Variants in PCDH7 observed in about 807,000 individuals in gnomAD.
The protein encoded by PCDH7 is protocadherin-7.
In PCDH7, 17 loss-of-function variants were observed where a neutral mutation model predicts 58.9. The ratio of observed to expected loss-of-function variants is 0.29; its 90% CI spans 0.20 to 0.43. The LOEUF is 0.43. Ranked by LOEUF, PCDH7 falls within the 20% of genes least tolerant of loss-of-function variation. PCDH7 has a pLI of 1.00. For missense variants in PCDH7, 1,274 were observed against 1,441.0 expected (o/e 0.88, Z 1.88); for synonymous variants, 664 against 616.4 (o/e 1.08, Z -1.14).
chr4:30,961,494 G>A (rs1560536347), intron 3 of PCDH7, among the ~76,000 whole-genome samples: 1 of 151,942 alleles, frequency 6.6e-6, no homozygotes, highest in Non-Finnish European at 1.5e-5. Context: ...GGAGGTTGCA[G>A]TGAGCCGAGA....
intron 3 of PCDH7, among the ~76,000 whole-genome samples, chr4:31,026,857 T>C (rs1754476485): frequency 6.6e-6 from 1 of 152,138 alleles, no homozygotes; most frequent in Admixed American, 6.5e-5. Flanking sequence ...AAGAAATGCA[T>C]TCAGTGATGT....
At chr4:31,060,644 A>G (rs1757613928) in intron 3 of PCDH7, among the ~76,000 whole-genome samples, 1 of 151,668 alleles carries the variant, frequency 6.6e-6, no homozygotes, top group African/African-American at 2.4e-5. Flanking sequence ...ACCATCTCCA[A>G]AACCTAAACA....
chr4:31,104,149 C>G (rs1029641707), intron 3 of PCDH7, among the ~76,000 whole-genome samples: 3 of 152,174 alleles, frequency 2.0e-5, no homozygotes, highest in Non-Finnish European at 4.4e-5. Context: ...GTTAAAGTTT[C>G]TCAATATTTG....
chr4:30,770,066 G>A (rs917775533), intron 1 of PCDH7, among the ~76,000 whole-genome samples: 4 of 152,146 alleles, frequency 2.6e-5, no homozygotes, highest in Non-Finnish European at 4.4e-5. Flanking sequence ...TGGTGTACTC[G>A]TAATGGCCAT....
At chr4:30,725,811 T>C (rs1714537444) in intron 1 of PCDH7, among the ~76,000 whole-genome samples, 1 of 152,126 alleles carries the variant, frequency 6.6e-6, no homozygotes, top group Non-Finnish European at 1.5e-5. Flanking sequence ...TCATTGAAGA[T>C]TATAGTTATA....
rs937300986 is a variant in PCDH7 at position 31,078,425 on chromosome 4, G to T, written c.*8-64048G>T. Among the ~76,000 whole-genome samples, 5 of 152,096 alleles carry T rather than the reference G, an allele frequency of 3.3e-5. No individual in the cohort carries two copies. In the East Asian group the frequency reaches 7.8e-4, roughly 24 times the overall value. Reference sequence around the variant, plus strand: ...AGCCTCCCAAGTAGCCAGGGCTACAGGCACATGTCAATATGCTTGGCTAAC... The same window carrying T: ...AGCCTCCCAAGTAGCCAGGGCTACATGCACATGTCAATATGCTTGGCTAAC... On this transcript the variant is annotated intron_variant, in intron 3 of 3. Coordinates refer to the PCDH7 transcript ENST00000509759.
rs1560608323 is a variant in PCDH7 at position 31,056,420 on chromosome 4, GAAGGAAAGAA to G, written c.*8-86050_*8-86041del. Among the ~76,000 whole-genome samples the G allele has an allele frequency of 2.1e-3, 260 of 123,602 alleles. 6 individuals are homozygous for G. Among genetic ancestry groups the G allele is most frequent in the African/African-American group, 8.9e-3 (243 of 27,192 alleles). The allele number at this position is 123,602 out of a possible 152,430, so 81.1% of individuals were successfully genotyped here. A position where few individuals can be genotyped will look rare whatever the true frequency, so the allele number is the denominator to read the frequency against. On this transcript the variant is annotated intron_variant, in intron 3 of 3. Transcript: ENST00000509759. ...GGAAAGGAAGAAAGAAAGAAGGAAA[GAAGGAAAGAA>G]AAAGAAAGAAGGAAAGAAAGAAAGA...
At chr4:30,768,055 A>T (rs573434972) in intron 1 of PCDH7, among the ~76,000 whole-genome samples, 1 of 152,326 alleles carries the variant, frequency 6.6e-6, no homozygotes, top group African/African-American at 2.4e-5. Context: ...TAAAAATGTG[A>T]TACTCAGAAT....
At chr4:30,764,362 T>C (rs886629814) in intron 1 of PCDH7, among the ~76,000 whole-genome samples, 11 of 152,170 alleles carry the variant, frequency 7.2e-5, no homozygotes, top group African/African-American at 2.7e-4. Flanking sequence ...TACTTTACCA[T>C]ATAGTTTTAA....
chr4:30,872,991 T>C (rs1303823777), intron 1 of PCDH7, among the ~76,000 whole-genome samples: 1 of 152,122 alleles, frequency 6.6e-6, no homozygotes, highest in Non-Finnish European at 1.5e-5. Flanking sequence ...TTGGCTTCCC[T>C]TATTACTCAG....
intron 3 of PCDH7, among the ~76,000 whole-genome samples, chr4:31,019,980 A>G (rs1753902430): frequency 6.6e-6 from 1 of 152,112 alleles, no homozygotes; most frequent in South Asian, 2.1e-4. Flanking sequence ...AATTTTGCAA[A>G]CAAAATGAAG....
At chr4:30,972,875 T>G (rs1180650912) in intron 3 of PCDH7, among the ~76,000 whole-genome samples, 2 of 152,172 alleles carry the variant, frequency 1.3e-5, no homozygotes, top group Admixed American at 6.5e-5. Flanking sequence ...TTTTAAAACT[T>G]TAGCCCTCAC....
intron 3 of PCDH7, among the ~76,000 whole-genome samples, chr4:31,117,744 AT>A (rs1717173817): frequency 6.6e-6 from 1 of 152,126 alleles, no homozygotes; most frequent in Non-Finnish European, 1.5e-5. Flanking sequence ...GATGAAAAAT[AT>A]TTTTATCTGT....
At chr4:31,119,368 C>T (rs1717376634) in intron 3 of PCDH7, among the ~76,000 whole-genome samples, 1 of 152,052 alleles carries the variant, frequency 6.6e-6, no homozygotes, top group Non-Finnish European at 1.5e-5. Context: ...TATAATTAAT[C>T]CACACCCTTT....
chr4:30,739,153 A>ATCTATATTT, intron 1 of PCDH7, among the ~76,000 whole-genome samples: 2 of 145,938 alleles, frequency 1.4e-5, no homozygotes, highest in South Asian at 4.4e-4. Flanking sequence ...TATATTTTAT[A>ATCTATATTT]TATATATTAT....
chr4:31,066,316 G>A (rs1758086228), intron 3 of PCDH7, among the ~76,000 whole-genome samples: 1 of 151,880 alleles, frequency 6.6e-6, no homozygotes, highest in Admixed American at 6.6e-5. Flanking sequence ...TGTGTAATAT[G>A]AGGAGTCTTA....
At chr4:31,075,439 T>A (rs1395439635) in intron 3 of PCDH7, among the ~76,000 whole-genome samples, 2 of 152,194 alleles carry the variant, frequency 1.3e-5, no homozygotes, top group Non-Finnish European at 2.9e-5. Flanking sequence ...CCTAGAGCCT[T>A]AATTTCTACC....
chr4:31,078,159 T>C (rs1284775740), intron 3 of PCDH7, among the ~76,000 whole-genome samples: 3 of 152,088 alleles, frequency 2.0e-5, no homozygotes, highest in Admixed American at 6.6e-5. Flanking sequence ...TAATGTAACA[T>C]CCATATCATG....
At chr4:31,101,533 T>C (rs1004714575) in intron 3 of PCDH7, among the ~76,000 whole-genome samples, 1 of 152,176 alleles carries the variant, frequency 6.6e-6, no homozygotes, top group African/African-American at 2.4e-5. Context: ...ACAATTGCCA[T>C]ATCTGTCTGT....
Sources: allele counts gnomAD v4.1 joint callset (sites outside exome capture counted in the v4.1 genomes callset), GRCh38; gene constraint gnomAD v4.1.1; transcripts MANE v1.5; gene names NCBI Gene and HGNC (gene_info 2026-07-23, HGNC 2026-07-21).